Variants in PLEKHA6 observed in about 807,000 individuals in gnomAD.
PLEKHA6 encodes the protein pleckstrin homology domain containing A6, also known as pleckstrin homology domain-containing family A member 6.
A neutral mutation model predicts 116.7 loss-of-function variants in PLEKHA6; 60 were observed. The observed-to-expected ratio is 0.51, with a 90% CI of 0.42 to 0.64. The LOEUF is 0.64. PLEKHA6 is among the 30% of genes least tolerant of loss of function. The pLI, the probability that PLEKHA6 is intolerant of heterozygous loss-of-function variation, is 0.00. For missense variants in PLEKHA6, 1,338 were observed against 1,422.7 expected (o/e 0.94, Z 0.96); for synonymous variants, 489 against 556.1 (o/e 0.88, Z 1.70).
intron 1 of PLEKHA6, among the ~76,000 whole-genome samples, chr1:204,316,890 C>T (rs995453946): frequency 9.2e-5 from 14 of 152,216 alleles, no homozygotes; most frequent in Admixed American, 7.9e-4. Context: ...GGCTGAAGAA[C>T]GGAGAAGCCA....
At chr1:204,347,929 T>G (rs930809811) in intron 1 of PLEKHA6, among the ~76,000 whole-genome samples, 6 of 152,288 alleles carry the variant, frequency 3.9e-5, no homozygotes, top group Admixed American at 3.9e-4. Context: ...ATGCTCTCCT[T>G]GCCAGCTGGT....
intron 1 of PLEKHA6, among the ~76,000 whole-genome samples, chr1:204,323,736 A>G (rs1369233804): frequency 1.3e-5 from 2 of 152,246 alleles, no homozygotes; most frequent in Non-Finnish European, 2.9e-5. Flanking sequence ...ACCTAGTATT[A>G]TAATAATAGC....
Position 204,245,653 on chromosome 1 carries a change from T to A in PLEKHA6, c.1994A>T (p.Asn665Ile). The A allele has an allele frequency of 6.2e-7, 1 of 1,613,408 alleles. No individual in the cohort carries two copies. Among genetic ancestry groups the A allele is most frequent in the Non-Finnish European group, 8.5e-7 (1 of 1,179,504 alleles). ...GGTGTCCGTGCCCCGGGAGGGGTTG[T>A]TCTTCCTCAGCCCCTCCATCACGTC... Reference protein sequence around the residue: ...IQDVMEGLRKNNPSRGTDTAK... With the variant: ...IQDVMEGLRKINPSRGTDTAK... The change falls in exon 14 of 23, where the codon AAC (asparagine) becomes ATC (isoleucine). Residue 665 changes from asparagine to isoleucine, a missense_variant. By Grantham distance (149) the Asn-to-Ile change is moderately radical. Around this residue, in one of 3 missense-constraint regions of PLEKHA6, gnomAD observed 1,136 missense variants for 1,163.6 expected, o/e 0.98. Coordinates refer to ENST00000272203, the MANE Select transcript of PLEKHA6 (RefSeq NM_014935.5).
intron 9 of PLEKHA6, chr1:204,251,578 T>C (rs530135829): frequency 1.4e-6 from 1 of 702,808 alleles, no homozygotes; most frequent in Admixed American, 2.0e-5. Flanking sequence ...ACCATGCGGT[T>C]CACCATACTG....
At position 204,248,879 on chromosome 1, in the gene PLEKHA6, T is replaced by C. The variant is rs1311300589; in HGVS notation, c.1766A>G (p.Lys589Arg). 5.1e-5 allele frequency: 82 copies of C among 1,613,934 alleles called. No individual in the cohort carries two copies. Among genetic ancestry groups the C allele is most frequent in the Non-Finnish European group, 6.9e-5 (81 of 1,179,954 alleles). ...GATGAGCTGGTTCTGCAGTGAATCC[T>C]TTTTGTGTCGCAGCTTTTCTGGGTA... The part of the protein sequence containing the change: ...PAYPEKLRHK[K>R]DSLQNQLINI... The change falls in exon 12 of 23, where the codon AAG becomes AGG. Residue 589 changes from lysine to arginine, a missense_variant. Lys to Arg is a conservative substitution (Grantham distance 26, BLOSUM62 2). Transcript: ENST00000272203.
intron 1 of PLEKHA6, among the ~76,000 whole-genome samples, chr1:204,291,394 C>T (rs995648438): frequency 1.3e-5 from 2 of 152,142 alleles, no homozygotes; most frequent in Non-Finnish European, 2.9e-5. Flanking sequence ...AACATCCATG[C>T]ACCATACAAC....
chr1:204,373,141 G>T (rs1168630462), intron 1 of PLEKHA6, among the ~76,000 whole-genome samples: 1 of 146,460 alleles, frequency 6.8e-6, no homozygotes, highest in Non-Finnish European at 1.5e-5. Context: ...CCAGGCTGGA[G>T]TGTGCAGTGG....
At chr1:204,351,305 G>A (rs1389363798) in intron 1 of PLEKHA6, among the ~76,000 whole-genome samples, 2 of 152,150 alleles carry the variant, frequency 1.3e-5, no homozygotes, top group South Asian at 4.1e-4. Flanking sequence ...CCCCAACTTG[G>A]GCATGAACCA....
rs368805972 is a variant in PLEKHA6 at position 204,239,439 on chromosome 1, G to A, written c.2409+1936C>T. On this transcript the variant is annotated intron_variant, in intron 17 of 22. Coordinates refer to ENST00000272203, the MANE Select transcript of PLEKHA6 (RefSeq NM_014935.5). ...TCCATCATGGAAAGGGCAGAGGTTT[G>A]TCCTCACTGGAATAGACACTCACTC... Among the ~76,000 whole-genome samples the A allele has an allele frequency of 3.3e-4, 50 of 152,314 alleles. No homozygotes were observed. The South Asian group carries it at 0.01, about 32-fold the overall frequency.
In PLEKHA6 at chr1:204,259,637, C is replaced by T. The variant is rs769677464; in HGVS notation, c.628G>A (p.Glu210Lys). The change falls in exon 8 of 23, where the codon GAG becomes AAG. Residue 210 changes from glutamate (E) to lysine (K), a missense_variant. Glu to Lys is a moderately conservative substitution (Grantham distance 56, BLOSUM62 1). Around this residue, in one of 3 missense-constraint regions of PLEKHA6, gnomAD observed 1,136 missense variants for 1,163.6 expected, o/e 0.98. Coordinates refer to ENST00000272203, the MANE Select transcript of PLEKHA6 (RefSeq NM_014935.5). The surrounding 1 kb of genome is among the most constrained non-coding windows in gnomAD (Gnocchi z 4.6). The stretch of plus-strand genomic sequence containing the variant: ...TTCTCACAGCCTCGGCCATCACCCT[C>T]CCCTCGAGTCTTGGCCTCTGGCTCA... ...KPEPEAKTRG[E>K]GDGRGCEKAE... 3.7e-6 allele frequency: 6 copies of T among 1,614,182 alleles called. No individual in the cohort carries two copies. In the South Asian group the frequency reaches 6.6e-5, roughly 18 times the overall value.
intron 1 of PLEKHA6, chr1:204,307,770 G>A: frequency 1.2e-5 from 7 of 603,056 alleles, no homozygotes; most frequent in Non-Finnish European, 1.5e-5. Context: ...TAGCCCAGCG[G>A]AGCTGAGCCC....
chr1:204,263,443 T>C (rs967795489), intron 6 of PLEKHA6, among the ~76,000 whole-genome samples: 12 of 152,206 alleles, frequency 7.9e-5, no homozygotes, highest in African/African-American at 2.9e-4. Context: ...CTCCCATCTG[T>C]CTCAGCTCCC....
At chr1:204,351,439 A>G (rs1673278387) in intron 1 of PLEKHA6, among the ~76,000 whole-genome samples, 1 of 152,196 alleles carries the variant, frequency 6.6e-6, no homozygotes, top group African/African-American at 2.4e-5. Context: ...GCTGTCATTC[A>G]GCCTAACCCC....
chr1:204,271,343 C>A (rs1667432185), intron 3 of PLEKHA6, among the ~76,000 whole-genome samples: 1 of 152,094 alleles, frequency 6.6e-6, no homozygotes, highest in South Asian at 2.1e-4. Flanking sequence ...CCAGAGCCAG[C>A]AAGGTATCCA....
chr1:204,282,831 G>C (rs1205350129), intron 1 of PLEKHA6: 6 of 984,132 alleles, frequency 6.1e-6, no homozygotes, highest in Non-Finnish European at 6.0e-6. Flanking sequence ...ATTCAAAGGA[G>C]AACCAGCTGC....
chr1:204,374,472 A>G lies in PLEKHA6; in HGVS notation c.84-2866T>C, dbSNP rs370335398. Among the ~76,000 whole-genome samples the G allele has an allele frequency of 1.9e-3, 290 of 152,298 alleles. 9 individuals are homozygous for G. In the South Asian group the frequency reaches 0.054, roughly 29 times the overall value. On this transcript the variant is annotated intron_variant, in intron 1 of 4. Coordinates refer to the PLEKHA6 transcript ENST00000564627. Reference sequence around the variant, plus strand: ...AAGATTAGGTGGGAGCTTTCCCAGTATGCCCAATCACCTCACCACCAAAAC... The same window carrying G: ...AAGATTAGGTGGGAGCTTTCCCAGTGTGCCCAATCACCTCACCACCAAAAC...
At chr1:204,328,461 A>G (rs1360136188) in intron 1 of PLEKHA6, among the ~76,000 whole-genome samples, 1 of 150,234 alleles carries the variant, frequency 6.7e-6, no homozygotes, top group Non-Finnish European at 1.5e-5. Context: ...CGATGGCACC[A>G]TCTCGGCTCA....
chr1:204,282,765 TC>T (rs1363724327), intron 1 of PLEKHA6: 19 of 985,282 alleles, frequency 1.9e-5, no homozygotes, highest in Non-Finnish European at 2.2e-5. Context: ...GCAATCCAGC[TC>T]CCTGGAGCTC....
At position 204,251,051 on chromosome 1, in the gene PLEKHA6, C is replaced by T. The variant is rs58962026; in HGVS notation, c.1525-437G>A. ...AGTTGAAAACTATTGCCCTAGTAGA[C>T]TGAACACCTGGGCTTGTGTCTAAAC... On this transcript the variant is annotated intron_variant, in intron 9 of 22. Coordinates refer to ENST00000272203, the MANE Select transcript of PLEKHA6 (RefSeq NM_014935.5). Among the ~76,000 whole-genome samples, 1,122 of 152,310 alleles carry T rather than the reference C, an allele frequency of 7.4e-3. 11 individuals are homozygous for T. The highest frequency in any genetic ancestry group is 0.026 in the African/African-American group (1,065 of 41,570).
Sources: gnomAD v4.1 joint callset for allele counts (sites outside exome capture counted in the v4.1 genomes callset) on GRCh38, gnomAD v4.1.1 for gene constraint, gnomAD v4.1.1 regional missense constraint, Gnocchi (gnomAD v3.1) non-coding constraint, MANE v1.5 for transcripts, NCBI Gene and HGNC (gene_info 2026-07-23, HGNC 2026-07-21) for gene names.